Variants in MEGF11 observed in about 807,000 individuals in gnomAD.
MEGF11 encodes the protein multiple EGF like domains 11.
Under a neutral mutation model 146.6 loss-of-function variants are expected in MEGF11, and 126 were observed. The ratio of observed to expected loss-of-function variants is 0.86; its 90% confidence interval spans 0.74 to 1.00. The LOEUF is 1.00. Ranked by LOEUF, MEGF11 falls within the 50% of genes least tolerant of loss-of-function variation. MEGF11 has a pLI of 0.00. For missense variants in MEGF11, 1,509 were observed against 1,521.2 expected (o/e 0.99, Z 0.13); for synonymous variants, 532 against 583.4 (o/e 0.91, Z 1.27).
At chr15:66,057,601 T>G (rs959197970) in intron 5 of MEGF11, among the ~76,000 whole-genome samples, 1 of 151,940 alleles carries the variant, frequency 6.6e-6, no homozygotes, top group East Asian at 1.9e-4. Flanking sequence ...ATGTTCTGGC[T>G]AAAAGTGATG....
At chr15:66,100,044 C>T (rs576472748) in intron 4 of MEGF11, among the ~76,000 whole-genome samples, 3 of 152,244 alleles carry the variant, frequency 2.0e-5, no homozygotes, top group East Asian at 3.9e-4. Flanking sequence ...CACCTTCAGG[C>T]GCTTTGTCTC....
chr15:66,046,652 G>A (rs551154292), intron 5 of MEGF11, among the ~76,000 whole-genome samples: 3 of 152,332 alleles, frequency 2.0e-5, no homozygotes, highest in Admixed American at 6.5e-5. Flanking sequence ...GTTCTTAAAG[G>A]ATTTGCCCAT....
chr15:65,925,743 G>A (rs934775192), intron 13 of MEGF11, among the ~76,000 whole-genome samples: 6 of 152,150 alleles, frequency 3.9e-5, no homozygotes, highest in Non-Finnish European at 8.8e-5. Flanking sequence ...ACCTAGGCTA[G>A]GAATCCATAC....
At chr15:66,018,504 C>G (rs2082974356) in intron 5 of MEGF11, among the ~76,000 whole-genome samples, 1 of 152,328 alleles carries the variant, frequency 6.6e-6, no homozygotes, top group African/African-American at 2.4e-5. Context: ...CCCCAGATGC[C>G]CACTCTAGGG....
chr15:65,999,642 A>T (rs1567196416), intron 5 of MEGF11, among the ~76,000 whole-genome samples: 2 of 151,840 alleles, frequency 1.3e-5, no homozygotes, highest in Non-Finnish European at 2.9e-5. Flanking sequence ...CTCCTATAAA[A>T]TGGGGCTCTT....
intron 1 of MEGF11, among the ~76,000 whole-genome samples, chr15:66,200,815 G>A (rs1384285579): frequency 6.6e-6 from 1 of 152,182 alleles, no homozygotes; most frequent in East Asian, 1.9e-4. Context: ...CTCTGAGGTA[G>A]GGGTTGGTGA....
chr15:65,939,918 G>A (rs562938550), intron 10 of MEGF11, among the ~76,000 whole-genome samples: 1 of 152,188 alleles, frequency 6.6e-6, no homozygotes, highest in African/African-American at 2.4e-5. Flanking sequence ...TTACTTGATT[G>A]CAAGTTCCAT....
chr15:65,956,479 G>C (rs1018876465), intron 10 of MEGF11, among the ~76,000 whole-genome samples: 1 of 152,218 alleles, frequency 6.6e-6, no homozygotes, highest in Non-Finnish European at 1.5e-5. Flanking sequence ...CAGAAGTGAA[G>C]AGAGGTTGAA....
intron 5 of MEGF11, among the ~76,000 whole-genome samples, chr15:66,048,720 G>T (rs117845173): frequency 1.3e-5 from 2 of 152,316 alleles, no homozygotes; most frequent in East Asian, 3.9e-4. Context: ...GCCCTCTAAG[G>T]GTCCCAGATG....
At chr15:65,989,379 C>G (rs1489426189) in intron 5 of MEGF11, among the ~76,000 whole-genome samples, 3 of 152,222 alleles carry the variant, frequency 2.0e-5, no homozygotes, top group East Asian at 3.9e-4. Context: ...CCTCCCTTCT[C>G]CTCTCCAGCA....
Position 66,001,443 on chromosome 15 carries a change from TGC to T in MEGF11, c.395-18957_395-18956del, listed in dbSNP as rs1471378581. ...CTGTACTCCAGAGCCGGGTAGAGGA[TGC>T]TGTCACAGCCAAGCATCGGGTTCCC... On this transcript the variant is annotated intron_variant, in intron 5 of 25. Transcript: ENST00000395614. 3.9e-5 allele frequency among the ~76,000 whole-genome samples: 6 copies of T among 152,242 alleles called. No individual in the cohort carries two copies. In the South Asian group the frequency reaches 1.2e-3, roughly 32 times the overall value.
chr15:66,086,622 G>A (rs890522512), intron 5 of MEGF11, among the ~76,000 whole-genome samples: 8 of 152,100 alleles, frequency 5.3e-5, no homozygotes, highest in Admixed American at 4.6e-4. Context: ...GAGAGAATTC[G>A]CCATTACCAA....
intron 1 of MEGF11, among the ~76,000 whole-genome samples, chr15:66,153,837 C>T (rs1355164209): frequency 6.6e-6 from 1 of 152,146 alleles, no homozygotes; most frequent in East Asian, 1.9e-4. Context: ...GAGCCTCAGT[C>T]ATCTTACCTG....
intron 1 of MEGF11, among the ~76,000 whole-genome samples, chr15:66,143,216 G>C (rs1223410621): frequency 6.6e-6 from 1 of 152,228 alleles, no homozygotes. Context: ...GGTGGGAAGA[G>C]ACTTGCCGAA....
chr15:65,955,027 A>T (rs2080531519), intron 10 of MEGF11, among the ~76,000 whole-genome samples: 1 of 152,140 alleles, frequency 6.6e-6, no homozygotes, highest in Admixed American at 6.5e-5. Context: ...TGATCCATGG[A>T]GTCCATACAG....
At chr15:65,965,254 C>T in intron 8 of MEGF11, 134 bp from the exon 9 acceptor site, 2 of 642,702 alleles carry the variant, frequency 3.1e-6, no homozygotes, top group Non-Finnish European at 5.2e-6. Flanking sequence ...AGCCTCCTCC[C>T]CTTTTCTCTC....
At chr15:66,251,455 G>A (rs1239679129) in intron 1 of MEGF11, among the ~76,000 whole-genome samples, 4 of 152,172 alleles carry the variant, frequency 2.6e-5, no homozygotes, top group Admixed American at 1.3e-4. Context: ...CCCTGTGTGC[G>A]GGCTCCATTT....
chr15:66,107,163 C>T (rs572528398), intron 4 of MEGF11, among the ~76,000 whole-genome samples: 8 of 152,260 alleles, frequency 5.3e-5, no homozygotes, highest in South Asian at 4.1e-4. Context: ...GTCAGCACAG[C>T]GTAAGGAGTG....
intron 5 of MEGF11, among the ~76,000 whole-genome samples, chr15:66,049,074 A>C (rs1210175803): frequency 6.6e-6 from 1 of 152,170 alleles, no homozygotes; most frequent in African/African-American, 2.4e-5. Flanking sequence ...AGGCAGCCAC[A>C]GTGCCCAAAT....
Sources: allele counts gnomAD v4.1 joint callset (sites outside exome capture counted in the v4.1 genomes callset), GRCh38; gene constraint gnomAD v4.1.1; transcripts MANE v1.5; gene names NCBI Gene and HGNC (gene_info 2026-07-23, HGNC 2026-07-21).